FBN1: variants seen among roughly 807,000 people sequenced by gnomAD.
The protein encoded by FBN1 is fibrillin 1.
Under a neutral mutation model 365.1 loss-of-function variants are expected in FBN1, and 29 were observed. The observed-to-expected ratio is 0.08, with a 90% CI of 0.06 to 0.11. The LOEUF (loss-of-function observed/expected upper bound fraction) is 0.11, where lower values mean the gene tolerates loss of function less well. Ranked by LOEUF, FBN1 falls within the 10% of genes least tolerant of loss-of-function variation. FBN1 has a pLI of 1.00. For missense variants in FBN1, 2,476 were observed against 3,703.2 expected (o/e 0.67, Z 8.60); for synonymous variants, 1,210 against 1,270.5 (o/e 0.95, Z 1.01).
At chr15:48,537,529 C>T in intron 7 of FBN1, 82 bp downstream of exon 7, 3 of 1,555,148 alleles carry the variant, frequency 1.9e-6, no homozygotes, top group Middle Eastern at 2.2e-4. Flanking sequence ...ACTACTTTTC[C>T]ATTCTCTTCA....
intron 8 of FBN1, among the ~76,000 whole-genome samples, chr15:48,530,532 C>A (rs188805872): frequency 1.4e-3 from 218 of 152,134 alleles, no homozygotes; most frequent in African/African-American, 4.8e-3. Context: ...TGCCTTATTT[C>A]CAGGGCTCTT....
At chr15:48,634,233 A>G (rs1200784577) in intron 2 of FBN1, among the ~76,000 whole-genome samples, 1 of 152,256 alleles carries the variant, frequency 6.6e-6, no homozygotes, top group Non-Finnish European at 1.5e-5. Flanking sequence ...ATCAAACTTT[A>G]CATAGTACCA....
Position 48,456,718 on chromosome 15 carries a change from C to G in FBN1, c.5341G>C (p.Val1781Leu). ...REIPGVCENG[V>L]CINMVGSFRC... Reference sequence around the variant, plus strand: ...AAGCTGCCAACCATGTTGATACACACTCCATTTTCACAGACCCCTGGGATC... The same window carrying G: ...AAGCTGCCAACCATGTTGATACACAGTCCATTTTCACAGACCCCTGGGATC... Residue 1781 changes from valine to leucine, a missense_variant, in exon 44 of 66, where the codon GTG becomes CTG. Val to Leu is a conservative substitution (Grantham distance 32). Around this residue, in one of 5 missense-constraint regions of FBN1, gnomAD observed 1,780 missense variants for 2,840.8 expected, o/e 0.63. Coordinates refer to ENST00000316623, the MANE Select transcript of FBN1 (RefSeq NM_000138.5). The G allele has an allele frequency of 6.2e-7, 1 of 1,613,856 alleles. No homozygotes were observed. Among genetic ancestry groups the G allele is most frequent in the Non-Finnish European group, 8.5e-7 (1 of 1,179,790 alleles).
chr15:48,437,243 G>T, intron 52 of FBN1, 79 bp downstream of exon 52: 1 of 1,390,068 alleles, frequency 7.2e-7, no homozygotes, highest in Non-Finnish European at 1.0e-6. Context: ...CAAGATAGAT[G>T]GAGAAAAATA....
chr15:48,488,854 A>G (rs1324331686), intron 25 of FBN1, among the ~76,000 whole-genome samples: 1 of 152,212 alleles, frequency 6.6e-6, no homozygotes, highest in Non-Finnish European at 1.5e-5. Context: ...ACATTATTAG[A>G]ATATATTATC....
At chr15:48,616,833 T>A (rs1889662998) in intron 2 of FBN1, among the ~76,000 whole-genome samples, 1 of 152,170 alleles carries the variant, frequency 6.6e-6, no homozygotes, top group Non-Finnish European at 1.5e-5. Flanking sequence ...TTTTGCTAAG[T>A]GCTAAAGATA....
intron 56 of FBN1, among the ~76,000 whole-genome samples, chr15:48,428,704 G>T (rs889907110): frequency 1.6e-4 from 25 of 151,588 alleles, no homozygotes; most frequent in African/African-American, 6.1e-4. Flanking sequence ...AAATTTAAAA[G>T]GTATAAAAGA....
In FBN1 at chr15:48,437,779, G is replaced by A. The variant is rs200816828; in HGVS notation, c.6302C>T (p.Thr2101Met). ...GWGDPCELCP[T>M]EPDEAFRQIC... The stretch of plus-strand genomic sequence containing the variant: ...GATGACAGACATACCATCAGGTTCC[G>A]TGGGGCAGAGCTCGCAGGGGTCTCC... Residue 2101 changes from threonine to methionine, a missense_variant, in exon 51 of 66, where the codon ACG becomes ATG. Thr to Met is a moderately conservative substitution (Grantham distance 81). Coordinates refer to ENST00000316623, the MANE Select transcript of FBN1 (RefSeq NM_000138.5). The A allele has an allele frequency of 8.7e-5, 141 of 1,613,698 alleles. No homozygotes were observed. Among genetic ancestry groups the A allele is most frequent in the Admixed American group, 7.0e-4 (42 of 59,940 alleles).
chr15:48,641,396 T>C (rs1890195521), intron 2 of FBN1: 1 of 152,016 alleles, frequency 6.6e-6, no homozygotes. Flanking sequence ...AGTTTTCTAA[T>C]CTAGGAAGAG....
At chr15:48,548,692 C>A (rs1036401902) in intron 6 of FBN1, among the ~76,000 whole-genome samples, 1 of 152,064 alleles carries the variant, frequency 6.6e-6, no homozygotes, top group African/African-American at 2.4e-5. Context: ...TAGATACGTT[C>A]GGAAAGTGTA....
At chr15:48,460,912 G>T (rs990551195) in intron 42 of FBN1, among the ~76,000 whole-genome samples, 1 of 151,926 alleles carries the variant, frequency 6.6e-6, no homozygotes, top group Non-Finnish European at 1.5e-5. Flanking sequence ...ACTTGAATTA[G>T]TCAAATTTAA....
intron 2 of FBN1, among the ~76,000 whole-genome samples, chr15:48,622,018 A>C (rs2140751541): frequency 6.6e-6 from 1 of 152,154 alleles, no homozygotes; most frequent in East Asian, 1.9e-4. Flanking sequence ...AAAAGAAAAA[A>C]ATTGGTTCAT....
At chr15:48,471,781 T>C (rs2043378715) in intron 35 of FBN1, among the ~76,000 whole-genome samples, 1 of 152,252 alleles carries the variant, frequency 6.6e-6, no homozygotes, top group African/African-American at 2.4e-5. Context: ...CGTTATCATT[T>C]GTTTATTTCT....
At chr15:48,507,006 GAAC>G (rs955587626) in intron 15 of FBN1, among the ~76,000 whole-genome samples, 3 of 151,924 alleles carry the variant, frequency 2.0e-5, no homozygotes, top group African/African-American at 7.3e-5. Context: ...CAAATTAATA[GAAC>G]AACCAATTTA....
chr15:48,445,169 CACACATATATATATGTATATATATAT>C (rs2043145728), intron 48 of FBN1, among the ~76,000 whole-genome samples, 181 bp downstream of exon 48: 3 of 137,172 alleles, frequency 2.2e-5, no homozygotes, highest in Admixed American at 7.5e-5. Flanking sequence ...TATATATATA[CACACATATATATATGTATATATATAT>C]ACATATATAT....
intron 11 of FBN1, 93 bp from the exon 12 acceptor site, chr15:48,515,620 G>A (rs952561217): frequency 1.2e-5 from 19 of 1,526,918 alleles, no homozygotes; most frequent in African/African-American, 1.1e-4. Flanking sequence ...TGTTGAATCA[G>A]AAAGGAAAGA....
intron 41 of FBN1, 53 bp downstream of exon 41, chr15:48,463,845 TC>T: frequency 4.5e-6 from 7 of 1,557,072 alleles, no homozygotes; most frequent in Non-Finnish European, 6.1e-6. Flanking sequence ...TGAGCTCTCT[TC>T]CTCTTTGTAG....
intron 8 of FBN1, among the ~76,000 whole-genome samples, chr15:48,532,670 A>C (rs1440702162): frequency 6.6e-6 from 1 of 152,098 alleles, no homozygotes. Context: ...TACTTAATAC[A>C]CCCAAGACAC....
rs2018661 is a variant in FBN1 at position 48,618,116 on chromosome 15, T to A, written c.165-5024A>T. Among the ~76,000 whole-genome samples the A allele has an allele frequency of 7.5e-3, 1,147 of 152,176 alleles. 14 individuals carry two copies. Among genetic ancestry groups the A allele is most frequent in the African/African-American group, 0.027 (1,103 of 41,494 alleles). ...AAACTATGATTTAGCCCCTTAAGTATAAATCTGGAGGGGATCAAAAGGTAC... is the reference window on the plus strand; with the variant it reads ...AAACTATGATTTAGCCCCTTAAGTAAAAATCTGGAGGGGATCAAAAGGTAC... On this transcript the variant is annotated intron_variant, in intron 2 of 65. Coordinates refer to ENST00000316623, the MANE Select transcript of FBN1 (RefSeq NM_000138.5).
Sources: allele counts gnomAD v4.1 joint callset (sites outside exome capture counted in the v4.1 genomes callset), GRCh38; gene constraint gnomAD v4.1.1; regional missense constraint gnomAD v4.1.1; transcripts MANE v1.5; gene names NCBI Gene and HGNC (gene_info 2026-07-23, HGNC 2026-07-21).